The following NHS variants were observed in gnomAD, a reference collection of about 807,000 sequenced individuals.
NHS encodes NHS actin remodeling regulator.
In NHS, 5 loss-of-function variants were observed where a neutral mutation model predicts 72.5. The observed-to-expected ratio is 0.07, with a 90% CI of 0.04 to 0.14. NHS has a LOEUF of 0.14. NHS is among the 10% of genes least tolerant of loss of function. NHS has a pLI of 1.00. For synonymous variants in NHS, 464 were observed against 547.7 expected, an observed-to-expected ratio of 0.85 and a Z score of 2.13; for missense variants, 1,072 against 1,355.7, an observed-to-expected ratio of 0.79 and a Z score of 3.29.
chrX:17,671,642 G>A (rs771528088), intron 1 of NHS, among the ~76,000 whole-genome samples: 2 of 112,161 alleles, frequency 1.8e-5, no homozygotes, highest in South Asian at 7.5e-4. Context: ...CCCTGAAAAA[G>A]CATCTAGTTT....
chrX:17,630,031 G>C (rs1242208792), intron 1 of NHS, among the ~76,000 whole-genome samples: 1 of 107,567 alleles, frequency 9.3e-6, no homozygotes, highest in African/African-American at 3.4e-5. Flanking sequence ...CAGGTGGCCA[G>C]ATTCCCTGAG....
chrX:17,466,192 G>A (rs1364611565), intron 1 of NHS, among the ~76,000 whole-genome samples: 1 of 113,162 alleles, frequency 8.8e-6, no homozygotes, highest in African/African-American at 3.2e-5. Context: ...CTGCAGTGGG[G>A]CAGGCAAGAG....
intron 1 of NHS, among the ~76,000 whole-genome samples, chrX:17,646,049 G>A (rs958792844): frequency 2.7e-5 from 3 of 111,539 alleles, no homozygotes; most frequent in Non-Finnish European, 5.7e-5. Flanking sequence ...ACTCCTGGGC[G>A]GAAGCAATCC....
chrX:17,700,460 G>GA (rs770634434), intron 3 of NHS, among the ~76,000 whole-genome samples: 11 of 106,698 alleles, frequency 1.0e-4, no homozygotes, highest in African/African-American at 2.4e-4. Context: ...AAAAAGAAAA[G>GA]AAAAAAAAGA....
intron 1 of NHS, among the ~76,000 whole-genome samples, chrX:17,444,625 T>TC (rs1475349463): frequency 9.0e-6 from 1 of 111,070 alleles, no homozygotes; most frequent in Admixed American, 9.6e-5. Flanking sequence ...GCCTCAAGTT[T>TC]CCCCCCATAT....
chrX:17,512,720 T>C (rs1269578305), intron 1 of NHS, among the ~76,000 whole-genome samples: 1 of 112,780 alleles, frequency 8.9e-6, no homozygotes, highest in South Asian at 3.6e-4. Context: ...AATTTTTGTT[T>C]TTAAGACAAG....
intron 1 of NHS, among the ~76,000 whole-genome samples, chrX:17,405,445 T>C (rs1275028580): frequency 9.0e-6 from 1 of 111,489 alleles, no homozygotes; most frequent in Admixed American, 9.5e-5. Context: ...TCATCTTGAT[T>C]CTTAGGTGAT....
chrX:17,473,835 T>A (rs1014383600), intron 1 of NHS, among the ~76,000 whole-genome samples: 2 of 112,180 alleles, frequency 1.8e-5, no homozygotes, highest in African/African-American at 6.5e-5. Flanking sequence ...CCTTTAAAAA[T>A]TTTTTTATGT....
At chrX:17,596,771 A>G (rs1569290300) in intron 1 of NHS, among the ~76,000 whole-genome samples, 1 of 111,832 alleles carries the variant, frequency 8.9e-6, no homozygotes, top group Non-Finnish European at 1.9e-5. Flanking sequence ...GTCACATTCC[A>G]GGCATGGGAG....
intron 1 of NHS, among the ~76,000 whole-genome samples, chrX:17,450,890 G>A (rs1394927272): frequency 9.1e-6 from 1 of 110,317 alleles, no homozygotes; most frequent in Non-Finnish European, 1.9e-5. Context: ...AACAAAACAA[G>A]AAAAAAAACT....
chrX:17,728,292 G>C lies in NHS; in HGVS notation c.4186G>C (p.Glu1396Gln), dbSNP rs751912399. 1 of 1,211,742 alleles carries C rather than the reference G, an allele frequency of 8.3e-7. No homozygotes were observed. Among genetic ancestry groups the C allele is most frequent in the African/African-American group, 1.7e-5 (1 of 57,834 alleles). The change falls in exon 7 of 9, where the codon GAG (glutamate) becomes CAG (glutamine). Residue 1396 changes from glutamate (E) to glutamine (Q), a missense_variant. Coordinates refer to ENST00000676302, the MANE Select transcript of NHS (RefSeq NM_001291867.2). ...TGCCTCTGATAACAGCAAAGCAGAG[G>C]AGACCCAAGGAAATGTGGATGAGGC... ...KSASDNSKAE[E>Q]TQGNVDEASL...
intron 1 of NHS, among the ~76,000 whole-genome samples, chrX:17,427,864 A>G (rs1223298722): frequency 8.9e-6 from 1 of 112,533 alleles, no homozygotes; most frequent in East Asian, 2.8e-4. Context: ...AGTTGAATTC[A>G]TCACAAAAGT....
At chrX:17,561,178 C>T (rs1267692431) in intron 1 of NHS, among the ~76,000 whole-genome samples, 1 of 112,691 alleles carries the variant, frequency 8.9e-6, no homozygotes, top group Non-Finnish European at 1.9e-5. Flanking sequence ...TAATCTTGTT[C>T]TAAGTTCCCT....
At chrX:17,604,828 T>G in intron 1 of NHS, among the ~76,000 whole-genome samples, 1 of 112,182 alleles carries the variant, frequency 8.9e-6, no homozygotes, top group Non-Finnish European at 1.9e-5. Flanking sequence ...GTAAAATGCA[T>G]CCTGATGATT....
At chrX:17,440,833 C>T (rs979455550) in intron 1 of NHS, among the ~76,000 whole-genome samples, 1 of 111,487 alleles carries the variant, frequency 9.0e-6, no homozygotes, top group Non-Finnish European at 1.9e-5. Context: ...CTCTAGCTGC[C>T]GTTTGCAGTT....
chrX:17,412,684 C>T (rs1428364273), intron 1 of NHS, among the ~76,000 whole-genome samples: 1 of 112,361 alleles, frequency 8.9e-6, no homozygotes, highest in Non-Finnish European at 1.9e-5. Context: ...CTTAGTGTGT[C>T]CTGATATTTA....
rs745878699 is a variant in NHS, at chrX:17,631,160, C to T, written c.566-56582C>T. Among the ~76,000 whole-genome samples, 8 of 112,311 alleles carry T rather than the reference C, an allele frequency of 7.1e-5. No homozygotes were observed. The South Asian group carries it at 3.0e-3, about 42-fold the overall frequency. On this transcript the variant is annotated intron_variant, in intron 1 of 8. Transcript: ENST00000676302. ...GGCAAATCTCTTGGAGTCCAGCATA[C>T]GATGCTGACTCTCAGAACTTTCTCA...
chrX:17,541,561 A>G lies in NHS; in HGVS notation c.566-146181A>G, dbSNP rs183240149. On this transcript the variant is annotated intron_variant, in intron 1 of 8. Coordinates refer to ENST00000676302, the MANE Select transcript of NHS (RefSeq NM_001291867.2). The stretch of plus-strand genomic sequence containing the variant: ...TAATGATTTTTACTTTACAGATAAC[A>G]TTTATCACATGTTAATAAAATATAA... 9.5e-4 allele frequency among the ~76,000 whole-genome samples: 106 copies of G among 111,615 alleles called. 1 individual carries two copies. The highest frequency in any genetic ancestry group is 4.6e-3 in the Middle Eastern group (1 of 218).
chrX:17,448,128 A>G (rs1021539228), intron 1 of NHS, among the ~76,000 whole-genome samples: 1 of 111,828 alleles, frequency 8.9e-6, no homozygotes, highest in South Asian at 3.8e-4. Context: ...TTGGAGACAG[A>G]TATATTACAG....
Sources: gnomAD v4.1 joint callset for allele counts (sites outside exome capture counted in the v4.1 genomes callset) on GRCh38, gnomAD v4.1.1 for gene constraint, MANE v1.5 for transcripts, NCBI Gene and HGNC (gene_info 2026-07-23, HGNC 2026-07-21) for gene names.